PINX1: variants seen among roughly 807,000 people sequenced by gnomAD.
PINX1 encodes PIN2 (TERF1) interacting telomerase inhibitor 1, also known as PIN2/TERF1-interacting telomerase inhibitor 1.
Under a neutral mutation model 25.4 loss-of-function variants are expected in PINX1, and 34 were observed. The observed-to-expected ratio is 1.34, with a 90% confidence interval of 1.02 to 1.78. The LOEUF (loss-of-function observed/expected upper bound fraction) is 1.78. Ranked by LOEUF, PINX1 falls within the 40% of genes most tolerant of loss-of-function variation. The probability of loss-of-function intolerance (pLI) is 0.00; values close to 1 mark genes in which losing one functional copy is unlikely to be tolerated. For synonymous variants in PINX1, 197 were observed against 147.7 expected (o/e 1.33, Z -2.42); for missense variants, 592 against 404.9 (o/e 1.46, Z -3.97).
chr8:10,790,504 C>A (rs929739046), intron 6 of PINX1, among the ~76,000 whole-genome samples: 4 of 152,170 alleles, frequency 2.6e-5, no homozygotes, highest in Non-Finnish European at 4.4e-5. Flanking sequence ...GCCGTGCGCT[C>A]CTCTCCCAGG....
chr8:10,782,852 T>TA (rs1801631013), intron 6 of PINX1, among the ~76,000 whole-genome samples: 2 of 152,142 alleles, frequency 1.3e-5, no homozygotes, highest in Admixed American at 1.3e-4. Context: ...TCACGAACAA[T>TA]AAAAAAAGGA....
chr8:10,817,706 T>G (rs1797743324), intron 6 of PINX1, among the ~76,000 whole-genome samples: 1 of 152,176 alleles, frequency 6.6e-6, no homozygotes, highest in African/African-American at 2.4e-5. Flanking sequence ...CGGATGGGGA[T>G]GTACAGGCTC....
rs1802435925 is a variant in PINX1 at position 10,805,914 on chromosome 8, GA to G, written c.471+14278del. Among the ~76,000 whole-genome samples the G allele has an allele frequency of 5.5e-5, 5 of 90,462 alleles. 1 individual carries two copies. Among genetic ancestry groups the G allele is most frequent in the African/African-American group, 2.9e-4 (5 of 17,396 alleles). The allele number at this position is 90,462 out of a possible 152,430, so 59.3% of individuals were successfully genotyped here. On this transcript the variant is annotated intron_variant, in intron 6 of 6. Coordinates refer to ENST00000314787, the MANE Select transcript of PINX1 (RefSeq NM_017884.6). ...GTGCTGAGGGGGTGACAGAGCACAG[GA>G]AGGGGCCACACTAGTGCTGAGGGGG...
intron 5 of PINX1, among the ~76,000 whole-genome samples, chr8:10,823,300 G>C (rs1040609376): frequency 1.3e-5 from 2 of 151,960 alleles, no homozygotes; most frequent in Non-Finnish European, 2.9e-5. Flanking sequence ...ACTCTCAAAA[G>C]GATTAAGAAG....
At chr8:10,772,218 G>T (rs548454809) in intron 6 of PINX1, among the ~76,000 whole-genome samples, 2 of 152,362 alleles carry the variant, frequency 1.3e-5, no homozygotes, top group South Asian at 4.1e-4. Context: ...CAGTGGGATG[G>T]AAGTTCCACC....
intron 6 of PINX1, among the ~76,000 whole-genome samples, chr8:10,781,781 T>G (rs1266413711): frequency 6.6e-6 from 1 of 152,068 alleles, no homozygotes; most frequent in Non-Finnish European, 1.5e-5. Flanking sequence ...GTGTGGAGGT[T>G]CCCAAAGGAA....
intron 2 of PINX1, chr8:10,834,409 T>TA: frequency 2.3e-6 from 1 of 439,928 alleles, no homozygotes; most frequent in South Asian, 3.2e-5. Flanking sequence ...CAAGAATAAA[T>TA]GGAAAGGGAA....
intron 1 of PINX1, 58 bp downstream of exon 1, chr8:10,839,680 G>A (rs772368833): frequency 5.8e-6 from 9 of 1,555,004 alleles, no homozygotes; most frequent in Middle Eastern, 1.7e-4. Flanking sequence ...GCTGCCGTGC[G>A]CGTCACCCGG....
chr8:10,825,601 T>C (rs1473360034), intron 5 of PINX1, among the ~76,000 whole-genome samples: 1 of 152,198 alleles, frequency 6.6e-6, no homozygotes, highest in East Asian at 1.9e-4. Context: ...ATAGGAATTC[T>C]CACCCAGGTC....
intron 6 of PINX1, among the ~76,000 whole-genome samples, chr8:10,780,881 A>C (rs1801564784): frequency 6.6e-6 from 1 of 152,188 alleles, no homozygotes; most frequent in Non-Finnish European, 1.5e-5. Flanking sequence ...ACCACAAAAG[A>C]CCTCGAATAA....
At chr8:10,806,326 G>C (rs1035878319) in intron 6 of PINX1, among the ~76,000 whole-genome samples, 12 of 152,216 alleles carry the variant, frequency 7.9e-5, no homozygotes, top group African/African-American at 2.9e-4. Flanking sequence ...ACGTGTGGGG[G>C]AGAGGTCTCC....
intron 6 of PINX1, among the ~76,000 whole-genome samples, chr8:10,784,280 A>G (rs940561881): frequency 3.9e-5 from 6 of 152,256 alleles, no homozygotes; most frequent in Non-Finnish European, 8.8e-5. Flanking sequence ...TAGAAAGCAC[A>G]TCACACATTT....
intron 1 of PINX1, among the ~76,000 whole-genome samples, chr8:10,837,501 T>C (rs150220560): frequency 2.3e-4 from 35 of 152,314 alleles, no homozygotes; most frequent in African/African-American, 7.7e-4. Flanking sequence ...CAGCACATCA[T>C]TGAATCTGGG....
At chr8:10,804,698 TG>T (rs1206097668) in intron 6 of PINX1, among the ~76,000 whole-genome samples, 1 of 151,022 alleles carries the variant, frequency 6.6e-6, no homozygotes, top group African/African-American at 2.4e-5. Context: ...AAAAGCAAGA[TG>T]AATGCTGGAG....
At chr8:10,808,581 A>G (rs1802528800) in intron 6 of PINX1, among the ~76,000 whole-genome samples, 1 of 152,270 alleles carries the variant, frequency 6.6e-6, no homozygotes, top group Non-Finnish European at 1.5e-5. Context: ...GTTTTAAGAT[A>G]CAAAAATTAA....
chr8:10,811,124 A>G (rs12676417), intron 6 of PINX1, among the ~76,000 whole-genome samples: 98,210 of 152,196 alleles, frequency 0.65, 33,082 homozygotes, highest in African/African-American at 0.84. Context: ...AGAGTTCTTC[A>G]TGGCTTATTA....
At chr8:10,803,471 C>T (rs535396273) in intron 6 of PINX1, among the ~76,000 whole-genome samples, 1 of 152,346 alleles carries the variant, frequency 6.6e-6, no homozygotes, top group East Asian at 1.9e-4. Flanking sequence ...CTAGTTACCA[C>T]ACCCTATTCT....
chr8:10,827,606 G>C (rs935981749), intron 4 of PINX1, among the ~76,000 whole-genome samples: 27 of 151,922 alleles, frequency 1.8e-4, no homozygotes, highest in African/African-American at 6.0e-4. Flanking sequence ...TATGAGGTTA[G>C]AGAAACTGGA....
intron 6 of PINX1, among the ~76,000 whole-genome samples, chr8:10,803,427 C>T (rs1211198340): frequency 3.9e-5 from 6 of 152,234 alleles, no homozygotes; most frequent in African/African-American, 1.4e-4. Flanking sequence ...AAAGCCTACA[C>T]TAGCGCATGA....
Sources: gnomAD v4.1 joint callset for allele counts (sites outside exome capture counted in the v4.1 genomes callset) on GRCh38, gnomAD v4.1.1 for gene constraint, MANE v1.5 for transcripts, NCBI Gene and HGNC (gene_info 2026-07-23, HGNC 2026-07-21) for gene names.